VWA8: variants seen among roughly 807,000 people sequenced by gnomAD.
VWA8 encodes von Willebrand factor A domain-containing protein 8.
VWA8 carries 221 observed loss-of-function variants against 241.5 expected under a neutral mutation model. That is an observed-to-expected ratio of 0.91 (90% CI 0.82 to 1.02). The LOEUF (loss-of-function observed/expected upper bound fraction) is 1.02. Ranked by LOEUF, VWA8 falls within the 50% of genes least tolerant of loss-of-function variation. The pLI is 0.00. For missense variants in VWA8, 2,322 were observed against 2,328.7 expected (o/e 1.00, Z 0.06); for synonymous variants, 852 against 827.1 (o/e 1.03, Z -0.52).
intron 26 of VWA8, among the ~76,000 whole-genome samples, chr13:41,711,877 CA>C (rs369141075): frequency 7.6e-5 from 10 of 131,228 alleles, no homozygotes; most frequent in Admixed American, 2.3e-4. Flanking sequence ...CTGTCTCAAA[CA>C]AAAAAAAAAG....
intron 42 of VWA8, among the ~76,000 whole-genome samples, chr13:41,587,060 TG>T (rs2044423257): frequency 6.6e-6 from 1 of 152,204 alleles, no homozygotes; most frequent in Admixed American, 6.5e-5. Context: ...GCTTTTCTCC[TG>T]GGATAATCAT....
At chr13:41,576,831 G>A (rs983344859) in intron 42 of VWA8, among the ~76,000 whole-genome samples, 2 of 152,242 alleles carry the variant, frequency 1.3e-5, no homozygotes, top group Non-Finnish European at 2.9e-5. Flanking sequence ...CTAGAACATG[G>A]TCACATGGAC....
intron 41 of VWA8, among the ~76,000 whole-genome samples, chr13:41,589,212 G>A (rs1048166436): frequency 6.6e-6 from 1 of 152,024 alleles, no homozygotes; most frequent in African/African-American, 2.4e-5. Flanking sequence ...TCATCATTTT[G>A]TTTTGCTATT....
intron 43 of VWA8, among the ~76,000 whole-genome samples, chr13:41,572,797 T>TAAAAAAAAAAAAAAA (rs869088660): frequency 1.5e-5 from 1 of 67,782 alleles, no homozygotes; most frequent in Admixed American, 1.4e-4. Flanking sequence ...CAATAAATAC[T>TAAAAAAAAAAAAAAA]AAAAAAAAAA....
intron 4 of VWA8, among the ~76,000 whole-genome samples, chr13:41,898,872 G>A (rs1253616921): frequency 1.3e-5 from 2 of 150,948 alleles, no homozygotes; most frequent in African/African-American, 2.4e-5. Context: ...CGGCTGCTCC[G>A]AGTGTGGGCC....
chr13:41,811,099 T>G, intron 17 of VWA8, 126 bp downstream of exon 17: 1 of 748,360 alleles, frequency 1.3e-6, no homozygotes, highest in African/African-American at 1.8e-5. Context: ...AAGGCAAGGC[T>G]GAAATAGCTC....
intron 42 of VWA8, among the ~76,000 whole-genome samples, chr13:41,587,111 C>A (rs1283075247): frequency 6.6e-6 from 1 of 152,086 alleles, no homozygotes; most frequent in Non-Finnish European, 1.5e-5. Context: ...ACTGTATAAC[C>A]CCTGCCCATG....
chr13:41,863,454 T>TATA (rs767135880), intron 12 of VWA8, among the ~76,000 whole-genome samples: 233 of 94,714 alleles, frequency 2.5e-3, no homozygotes, highest in Non-Finnish European at 2.9e-3. Flanking sequence ...TATATATATA[T>TATA]TCACACACAC....
intron 18 of VWA8, among the ~76,000 whole-genome samples, chr13:41,784,727 T>TATATATATATACAC (rs1555335045): frequency 1.3e-4 from 9 of 69,032 alleles, no homozygotes; most frequent in South Asian, 1.0e-3. Context: ...TATATATATA[T>TATATATATATACAC]ATACACACAC....
At chr13:41,890,442 G>C (rs936105099) in intron 5 of VWA8, among the ~76,000 whole-genome samples, 1 of 152,232 alleles carries the variant, frequency 6.6e-6, no homozygotes, top group African/African-American at 2.4e-5. Flanking sequence ...TACAGCTTGA[G>C]CTGGATGAAC....
intron 18 of VWA8, among the ~76,000 whole-genome samples, chr13:41,784,715 TATATATATATATATACACACAC>T (rs1869081064): frequency 1.6e-5 from 1 of 62,866 alleles, no homozygotes; most frequent in Non-Finnish European, 3.8e-5. Flanking sequence ...TATATATATA[TATATATATATATATACACACAC>T]ATATATATAT....
chr13:41,812,229 G>C (rs1870503782), intron 16 of VWA8, among the ~76,000 whole-genome samples: 1 of 152,046 alleles, frequency 6.6e-6, no homozygotes, highest in Non-Finnish European at 1.5e-5. Flanking sequence ...TTAAAAATCA[G>C]CCTCTTCAAA....
At chr13:41,891,705 A>C in intron 4 of VWA8, 118 bp from the exon 5 acceptor site, 8 of 1,086,494 alleles carry the variant, frequency 7.4e-6, no homozygotes, top group Non-Finnish European at 1.0e-5. Flanking sequence ...GAAATCAATA[A>C]AGCTGAGTTC....
At chr13:41,692,300 C>A (rs1024510488) in intron 30 of VWA8, among the ~76,000 whole-genome samples, 2 of 151,960 alleles carry the variant, frequency 1.3e-5, no homozygotes, top group African/African-American at 4.8e-5. Context: ...TAAAAAAAAT[C>A]ACTCTTTTCA....
chr13:41,570,689 A>G lies in VWA8; in HGVS notation c.5388T>C (p.Ser1796=), dbSNP rs570129502. ...TGTGGTCCCCACTCATGCAGAACTG[A>G]GAGTGGGCATGCATTGTCTGGAGGT... ...LEILKTMHAH[S]QFCMSGDHTL... Residue 1796 remains serine (S), a synonymous_variant, in exon 44 of 45, where the codon TCT becomes TCC. Transcript: ENST00000379310. The G allele has an allele frequency of 1.9e-6, 3 of 1,613,878 alleles. No homozygotes were observed. Among genetic ancestry groups the G allele is most frequent in the Admixed American group, 1.7e-5 (1 of 60,024 alleles).
At chr13:41,748,216 T>C (rs1437866838) in intron 21 of VWA8, among the ~76,000 whole-genome samples, 1 of 152,214 alleles carries the variant, frequency 6.6e-6, no homozygotes, top group Non-Finnish European at 1.5e-5. Flanking sequence ...TGGCTGTGAA[T>C]CCATCTGGTC....
intron 34 of VWA8, among the ~76,000 whole-genome samples, chr13:41,686,213 A>C (rs929236238): frequency 2.1e-4 from 32 of 152,112 alleles, no homozygotes; most frequent in Admixed American, 7.2e-4. Flanking sequence ...AAGTTTTATA[A>C]TTATCCTTGA....
chr13:41,926,964 A>G (rs887078322), intron 2 of VWA8: 1 of 508,490 alleles, frequency 2.0e-6, no homozygotes, highest in Non-Finnish European at 3.9e-6. Flanking sequence ...TCCTACATTA[A>G]TCTGTGATCA....
intron 37 of VWA8, among the ~76,000 whole-genome samples, chr13:41,630,380 T>C (rs2044718633): frequency 6.6e-6 from 1 of 151,808 alleles, no homozygotes. Context: ...CCCAACTCAG[T>C]CTCACCCTCC....
Sources: gnomAD v4.1 joint callset for allele counts (sites outside exome capture counted in the v4.1 genomes callset) on GRCh38, gnomAD v4.1.1 for gene constraint, MANE v1.5 for transcripts, NCBI Gene and HGNC (gene_info 2026-07-23, HGNC 2026-07-21) for gene names.